MAPK8: variants seen among roughly 807,000 people sequenced by gnomAD.
The protein encoded by MAPK8 is JUN N-terminal kinase.
MAPK8 carries 13 observed loss-of-function variants against 52.9 expected under a neutral mutation model. The ratio of observed to expected loss-of-function variants is 0.25; its 90% CI spans 0.16 to 0.39. The LOEUF (loss-of-function observed/expected upper bound fraction) is 0.39, where lower values mean the gene tolerates loss of function less well. Ranked by LOEUF, MAPK8 falls within the 10% of genes least tolerant of loss-of-function variation. The pLI, the probability that MAPK8 is intolerant of heterozygous loss-of-function variation, is 1.00. For synonymous variants in MAPK8, 191 were observed against 169.8 expected (o/e 1.12, Z -0.97); for missense variants, 300 against 519.2 (o/e 0.58, Z 4.10).
At chr10:48,376,187 G>T (rs1426179635) in intron 1 of MAPK8, among the ~76,000 whole-genome samples, 3 of 152,166 alleles carry the variant, frequency 2.0e-5, no homozygotes, top group Admixed American at 6.5e-5. Context: ...CTAGCCATAT[G>T]CAGAAAGCTG....
intron 6 of MAPK8, among the ~76,000 whole-genome samples, chr10:48,423,251 A>G (rs1195597922): frequency 6.6e-6 from 1 of 152,192 alleles, no homozygotes; most frequent in Non-Finnish European, 1.5e-5. Context: ...TACAGTTGGC[A>G]AGGGTCATCA....
rs143655574 is a variant in MAPK8 at position 48,337,463 on chromosome 10, A to G, written c.-50+30642A>G. On this transcript the variant is annotated intron_variant, in intron 1 of 11. Transcript: ENST00000374189. ...CTCTAGGATATAGCAAAATAGAGTT[A>G]AGAGGAAAATTTTAGTGCTAAATTC... is the stretch of plus-strand genomic sequence containing the variant. 4.1e-3 allele frequency among the ~76,000 whole-genome samples: 629 copies of G among 152,020 alleles called. 2 individuals carry two copies. The highest frequency in any genetic ancestry group is 6.6e-3 in the Non-Finnish European group (451 of 67,946).
rs1000423645 is a variant in MAPK8 at position 48,353,765 on chromosome 10, C to T, written c.-50+46944C>T. Among the ~76,000 whole-genome samples, 8 of 152,176 alleles carry T rather than the reference C, an allele frequency of 5.3e-5. 1 individual carries two copies. The South Asian group carries it at 1.0e-3, about 20-fold the overall frequency. ...TATGCTGAGTGAAGAAAAGTCAGCT[C>T]GAAAAGTCACATATGTATGACTGCA... On this transcript the variant is annotated intron_variant, in intron 1 of 11. Coordinates refer to ENST00000374189, the MANE Select transcript of MAPK8 (RefSeq NM_001323329.2).
intron 1 of MAPK8, among the ~76,000 whole-genome samples, chr10:48,352,157 A>G (rs943399571): frequency 4.6e-5 from 7 of 152,216 alleles, no homozygotes; most frequent in African/African-American, 1.7e-4. Flanking sequence ...TTTTAAAATG[A>G]AAATAGGCCC....
rs994301956 is a variant in MAPK8 at position 48,437,119 on chromosome 10, C to T, written c.*2090C>T. Reference sequence around the variant, plus strand: ...TGTCTGTATCATTTATTGTAAATGCCAGCTGCCACTTGCCAACCATCATGT... The same window carrying T: ...TGTCTGTATCATTTATTGTAAATGCTAGCTGCCACTTGCCAACCATCATGT... On this transcript the variant is annotated 3_prime_UTR_variant, in exon 12 of 12. Transcript: ENST00000374189. The T allele has an allele frequency of 1.3e-5, 2 of 152,136 alleles. No homozygotes were observed. Among genetic ancestry groups the T allele is most frequent in the African/African-American group, 4.8e-5 (2 of 41,426 alleles). 9.4% of individuals were successfully genotyped at this position (152,136 alleles called of 1,614,324 possible). A position where few individuals can be genotyped will look rare whatever the true frequency, so the allele number is the denominator to read the frequency against.
chr10:48,326,533 A>G (rs560747660), intron 1 of MAPK8, among the ~76,000 whole-genome samples: 1 of 152,208 alleles, frequency 6.6e-6, no homozygotes, highest in Admixed American at 6.5e-5. Flanking sequence ...ACAAAGATCT[A>G]GGTGCCCTTG....
At chr10:48,391,243 C>T (rs1224322535) in intron 1 of MAPK8, among the ~76,000 whole-genome samples, 1 of 152,174 alleles carries the variant, frequency 6.6e-6, no homozygotes, top group Admixed American at 6.5e-5. Flanking sequence ...TTTGGTTGCA[C>T]ATTAATTCTT....
At chr10:48,341,431 T>G (rs1165459916) in intron 1 of MAPK8, among the ~76,000 whole-genome samples, 1 of 152,216 alleles carries the variant, frequency 6.6e-6, no homozygotes, top group Non-Finnish European at 1.5e-5. Flanking sequence ...AAGGAAATGC[T>G]TATTCAAGCA....
Position 48,409,905 on chromosome 10 carries a change from A to C in MAPK8, c.279A>C (p.Thr93=). 1 of 1,611,560 alleles carries C rather than the reference A, an allele frequency of 6.2e-7. No homozygotes were observed. Among genetic ancestry groups the C allele is most frequent in the Non-Finnish European group, 8.5e-7 (1 of 1,178,232 alleles). The change falls in exon 4 of 12, where the codon ACA becomes ACC. Residue 93 remains threonine, a synonymous_variant. Transcript: ENST00000374189. ...TAATTGGCCTTTTGAATGTTTTCAC[A>C]CCACAGAAATCCCTAGAAGAATTTC... ...KNIIGLLNVF[T]PQKSLEEFQD...
At chr10:48,359,687 G>T (rs998528889) in intron 1 of MAPK8, among the ~76,000 whole-genome samples, 1 of 152,132 alleles carries the variant, frequency 6.6e-6, no homozygotes, top group African/African-American at 2.4e-5. Context: ...TCAATGACTT[G>T]TGCTAGGTTA....
At chr10:48,332,876 A>G (rs1844290002) in intron 1 of MAPK8, among the ~76,000 whole-genome samples, 1 of 152,216 alleles carries the variant, frequency 6.6e-6, no homozygotes, top group Admixed American at 6.5e-5. Flanking sequence ...TTCAGTGTAT[A>G]TAGTGCCTTT....
intron 5 of MAPK8, among the ~76,000 whole-genome samples, chr10:48,414,850 G>A (rs920460781): frequency 3.3e-5 from 5 of 151,930 alleles, no homozygotes; most frequent in African/African-American, 4.8e-5. Context: ...CCAAAGTGCT[G>A]GGATCACAGG....
intron 5 of MAPK8, among the ~76,000 whole-genome samples, chr10:48,416,926 G>A (rs1188141946): frequency 6.6e-6 from 1 of 152,044 alleles, no homozygotes; most frequent in Non-Finnish European, 1.5e-5. Flanking sequence ...ACCTTTCTCA[G>A]CCTGCTTCTT....
intron 1 of MAPK8, among the ~76,000 whole-genome samples, chr10:48,396,996 C>A (rs1425727645): frequency 6.6e-6 from 1 of 152,096 alleles, no homozygotes; most frequent in Non-Finnish European, 1.5e-5. Flanking sequence ...ATTACAGTTT[C>A]TGGGTACCTT....
intron 1 of MAPK8, among the ~76,000 whole-genome samples, chr10:48,379,908 A>G (rs3110): frequency 8.9e-5 from 13 of 145,906 alleles, no homozygotes; most frequent in Non-Finnish European, 3.0e-5. Context: ...GAAGACACAC[A>G]TTTTAGGATT....
chr10:48,398,742 A>G (rs781493619), intron 1 of MAPK8, among the ~76,000 whole-genome samples: 11 of 152,224 alleles, frequency 7.2e-5, no homozygotes, highest in Admixed American at 1.3e-4. Flanking sequence ...AAATCATTAG[A>G]ACAAATGAAA....
chr10:48,350,358 G>GA (rs1409814092), intron 1 of MAPK8, among the ~76,000 whole-genome samples: 2 of 152,104 alleles, frequency 1.3e-5, no homozygotes, highest in Admixed American at 1.3e-4. Context: ...ACATTGATGC[G>GA]AAAATCCTCA....
intron 11 of MAPK8, among the ~76,000 whole-genome samples, chr10:48,433,401 G>A (rs893763920): frequency 6.6e-6 from 1 of 152,070 alleles, no homozygotes; most frequent in African/African-American, 2.4e-5. Flanking sequence ...TACTATGTAT[G>A]GTACACAGAT....
intron 1 of MAPK8, among the ~76,000 whole-genome samples, chr10:48,343,990 A>G (rs1472257471): frequency 2.0e-5 from 3 of 152,172 alleles, no homozygotes; most frequent in Non-Finnish European, 2.9e-5. Flanking sequence ...GGAGTTTGAT[A>G]TGTTGGTTTG....
Sources: gnomAD v4.1 joint callset for allele counts (sites outside exome capture counted in the v4.1 genomes callset) on GRCh38, gnomAD v4.1.1 for gene constraint, MANE v1.5 for transcripts, NCBI Gene and HGNC (gene_info 2026-07-23, HGNC 2026-07-21) for gene names.